Variants in LRMDA observed in about 807,000 individuals in gnomAD.
LRMDA encodes leucine rich melanocyte differentiation associated, also known as leucine-rich melanocyte differentiation-associated protein.
A neutral mutation model predicts 29.8 loss-of-function variants in LRMDA; 18 were observed. The ratio of observed to expected loss-of-function variants is 0.60; its 90% CI spans 0.42 to 0.90. The LOEUF (loss-of-function observed/expected upper bound fraction) is 0.90, where lower values mean the gene tolerates loss of function less well. Ranked by LOEUF, LRMDA falls within the 40% of genes least tolerant of loss-of-function variation. The probability of loss-of-function intolerance (pLI) is 0.00; values close to 1 mark genes in which losing one functional copy is unlikely to be tolerated. For synonymous variants in LRMDA, 125 were observed against 109.4 expected (o/e 1.14, Z -0.89); for missense variants, 273 against 273.9 (o/e 1.00, Z 0.02).
chr10:75,509,158 T>A (rs1845199147), intron 2 of LRMDA, among the ~76,000 whole-genome samples: 1 of 152,208 alleles, frequency 6.6e-6, no homozygotes. Context: ...TGGCTGCTGT[T>A]TGTTGGCCCT....
Position 76,017,115 on chromosome 10 carries a change from T to C in LRMDA, c.132-18893T>C, listed in dbSNP as rs377082504. Among the ~76,000 whole-genome samples, 51 of 152,364 alleles carry C rather than the reference T, an allele frequency of 3.3e-4. No individual in the cohort carries two copies. In the East Asian group the frequency reaches 4.4e-3, roughly 13 times the overall value. ...GGAGCAGGGTAGGCCCCTATTTCAATACGACTGGTGTCCTTGTAAAAAGAA... is the reference window on the plus strand; with the variant it reads ...GGAGCAGGGTAGGCCCCTATTTCAACACGACTGGTGTCCTTGTAAAAAGAA... On this transcript the variant is annotated intron_variant, in intron 2 of 6. Coordinates refer to ENST00000611255, the MANE Select transcript of LRMDA (RefSeq NM_001305581.2).
At chr10:76,119,531 G>C (rs1849738629) in intron 5 of LRMDA, among the ~76,000 whole-genome samples, 1 of 152,106 alleles carries the variant, frequency 6.6e-6, no homozygotes, top group African/African-American at 2.4e-5. Context: ...TGGGTTTTCT[G>C]CCCATCCTGT....
At chr10:75,700,973 G>A (rs928463994) in intron 2 of LRMDA, among the ~76,000 whole-genome samples, 2 of 152,314 alleles carry the variant, frequency 1.3e-5, no homozygotes, top group East Asian at 3.9e-4. Context: ...TTACTGAAGA[G>A]TACCAAGTGA....
At chr10:76,005,628 C>A (rs1164246475) in intron 2 of LRMDA, among the ~76,000 whole-genome samples, 1 of 150,600 alleles carries the variant, frequency 6.6e-6, no homozygotes. Context: ...TAAGTAAATA[C>A]CTAAAAAAAA....
At chr10:76,273,564 A>G (rs1027323203) in intron 5 of LRMDA, among the ~76,000 whole-genome samples, 1 of 152,144 alleles carries the variant, frequency 6.6e-6, no homozygotes, top group Non-Finnish European at 1.5e-5. Context: ...CCTCCATATA[A>G]CTTGTACTAT....
At chr10:75,589,316 T>G (rs1004870404) in intron 2 of LRMDA, among the ~76,000 whole-genome samples, 7 of 152,160 alleles carry the variant, frequency 4.6e-5, no homozygotes, top group African/African-American at 1.7e-4. Flanking sequence ...AAAAGAATGT[T>G]TTCTTAGTGT....
chr10:76,093,886 C>CAGTGGTGT (rs1331568800), intron 5 of LRMDA, among the ~76,000 whole-genome samples: 1 of 152,160 alleles, frequency 6.6e-6, no homozygotes, highest in Non-Finnish European at 1.5e-5. Flanking sequence ...TCATTAATAA[C>CAGTGGTGT]AGTGGTGTTG....
intron 4 of LRMDA, among the ~76,000 whole-genome samples, chr10:76,057,317 A>G (rs910082768): frequency 6.6e-6 from 1 of 152,228 alleles, no homozygotes; most frequent in Non-Finnish European, 1.5e-5. Flanking sequence ...AGCAGGAAGC[A>G]TGTTGTAATC....
At chr10:75,830,460 A>C (rs1056511475) in intron 2 of LRMDA, among the ~76,000 whole-genome samples, 13 of 152,218 alleles carry the variant, frequency 8.5e-5, no homozygotes, top group African/African-American at 3.1e-4. Context: ...TTGGACTTAC[A>C]GTTCCATGTT....
chr10:75,836,308 A>C (rs1311693771), intron 2 of LRMDA, among the ~76,000 whole-genome samples: 1 of 152,208 alleles, frequency 6.6e-6, no homozygotes, highest in Non-Finnish European at 1.5e-5. Flanking sequence ...GTGATGTCTG[A>C]TGCTAAGTCC....
intron 2 of LRMDA, among the ~76,000 whole-genome samples, chr10:75,692,282 T>C (rs913673938): frequency 1.4e-5 from 2 of 145,510 alleles, no homozygotes; most frequent in Admixed American, 1.4e-4. Context: ...TATACACAAG[T>C]ATATACATAT....
At chr10:76,534,363 G>C (rs1323778265) in intron 6 of LRMDA, among the ~76,000 whole-genome samples, 1 of 152,128 alleles carries the variant, frequency 6.6e-6, no homozygotes, top group Admixed American at 6.6e-5. Flanking sequence ...CCAATGAAAT[G>C]TTCGTGGAAG....
chr10:75,865,974 G>T (rs541964398), intron 2 of LRMDA, among the ~76,000 whole-genome samples: 1 of 152,130 alleles, frequency 6.6e-6, no homozygotes, highest in Non-Finnish European at 1.5e-5. Flanking sequence ...TTAAATTTAC[G>T]TCTAGTAGCT....
intron 5 of LRMDA, among the ~76,000 whole-genome samples, chr10:76,258,834 T>C (rs190807403): frequency 6.6e-6 from 1 of 152,312 alleles, no homozygotes; most frequent in Admixed American, 6.5e-5. Flanking sequence ...ATTGTGTGTA[T>C]ATATATCACA....
intron 5 of LRMDA, among the ~76,000 whole-genome samples, chr10:76,302,578 G>A (rs1170450457): frequency 6.6e-6 from 1 of 152,070 alleles, no homozygotes; most frequent in Non-Finnish European, 1.5e-5. Context: ...TGTGATTGCT[G>A]GAGTGGATAC....
intron 2 of LRMDA, among the ~76,000 whole-genome samples, chr10:75,834,241 A>G (rs148253573): frequency 6.6e-6 from 1 of 152,190 alleles, no homozygotes; most frequent in African/African-American, 2.4e-5. Flanking sequence ...AGGGTCCTCC[A>G]TAGCTTTTTC....
chr10:75,905,180 A>G (rs964670310), intron 2 of LRMDA, among the ~76,000 whole-genome samples: 1 of 151,106 alleles, frequency 6.6e-6, no homozygotes, highest in Non-Finnish European at 1.5e-5. Context: ...CTTCACAGGC[A>G]TGGGCAAGCA....
intron 6 of LRMDA, among the ~76,000 whole-genome samples, chr10:76,354,013 C>T (rs2132435700): frequency 6.6e-6 from 1 of 152,108 alleles, no homozygotes; most frequent in East Asian, 1.9e-4. Context: ...ATTTCTTTCC[C>T]CTTGAGCTGG....
intron 2 of LRMDA, among the ~76,000 whole-genome samples, chr10:75,517,539 C>T (rs1028298323): frequency 1.3e-5 from 2 of 152,118 alleles, no homozygotes; most frequent in African/African-American, 4.8e-5. Flanking sequence ...GTGATTTTTG[C>T]ACATTGATTT....
Sources: allele counts gnomAD v4.1 joint callset (sites outside exome capture counted in the v4.1 genomes callset), GRCh38; gene constraint gnomAD v4.1.1; transcripts MANE v1.5; gene names NCBI Gene and HGNC (gene_info 2026-07-23, HGNC 2026-07-21).